The following TAF4B variants were observed in gnomAD, a reference collection of about 807,000 sequenced individuals.
TAF4B encodes TATA-box binding protein associated factor 4b.
In TAF4B, 38 loss-of-function variants were observed where a neutral mutation model predicts 86.4. The ratio of observed to expected loss-of-function variants is 0.44; its 90% confidence interval spans 0.34 to 0.58. The LOEUF is 0.58. TAF4B is among the 20% of genes least tolerant of loss of function. The pLI, the probability that TAF4B is intolerant of heterozygous loss-of-function variation, is 0.02. For synonymous variants in TAF4B, 388 were observed against 391.2 expected (o/e 0.99, Z 0.10); for missense variants, 988 against 1,027.6 (o/e 0.96, Z 0.53).
chr18:26,375,571 C>T (rs963658918), intron 14 of TAF4B, among the ~76,000 whole-genome samples: 2 of 152,080 alleles, frequency 1.3e-5, no homozygotes, highest in African/African-American at 4.8e-5. Context: ...CTTGTTATTG[C>T]CTTTTAAAAA....
At chr18:26,383,589 G>A (rs1247621764) in intron 14 of TAF4B, among the ~76,000 whole-genome samples, 6 of 152,116 alleles carry the variant, frequency 3.9e-5, no homozygotes, top group African/African-American at 1.2e-4. Context: ...ATGAGAGAGC[G>A]TTCTGTTGGA....
intron 12 of TAF4B, among the ~76,000 whole-genome samples, chr18:26,332,964 C>T (rs1167681012): frequency 1.3e-5 from 2 of 151,866 alleles, no homozygotes; most frequent in African/African-American, 2.4e-5. Flanking sequence ...GTTCTTTCCT[C>T]GAGTATATTC....
intron 13 of TAF4B, among the ~76,000 whole-genome samples, chr18:26,347,635 C>G (rs1255690125): frequency 1.3e-5 from 2 of 152,082 alleles, no homozygotes; most frequent in Middle Eastern, 3.2e-3. Context: ...ACAGACTAGC[C>G]AAATGGTTAA....
chr18:26,326,930 G>T, intron 11 of TAF4B, 85 bp from the exon 12 acceptor site: 1 of 1,396,064 alleles, frequency 7.2e-7, no homozygotes, highest in South Asian at 1.8e-5. Flanking sequence ...TGGTATTCCT[G>T]CCTTTAGCAG....
At chr18:26,338,970 T>G in intron 13 of TAF4B, among the ~76,000 whole-genome samples, 1 of 152,224 alleles carries the variant, frequency 6.6e-6, no homozygotes, top group East Asian at 1.9e-4. Context: ...AGACTGCCTT[T>G]GGGTTGGCCT....
intron 14 of TAF4B, among the ~76,000 whole-genome samples, chr18:26,389,335 A>G (rs756523120): frequency 9.9e-5 from 15 of 152,192 alleles, no homozygotes; most frequent in Non-Finnish European, 1.6e-4. Context: ...ACCATTGAAG[A>G]TTTTGGAACC....
chr18:26,233,337 C>G (rs1034603187), intron 1 of TAF4B, among the ~76,000 whole-genome samples: 1 of 152,168 alleles, frequency 6.6e-6, no homozygotes, highest in Non-Finnish European at 1.5e-5. Flanking sequence ...AGAAGGCATT[C>G]ACTAGCGGTG....
chr18:26,368,525 C>G (rs1211220277), intron 14 of TAF4B, among the ~76,000 whole-genome samples: 1 of 152,170 alleles, frequency 6.6e-6, no homozygotes, highest in Non-Finnish European at 1.5e-5. Context: ...CTCTTTACCT[C>G]CATTCTCTTC....
At chr18:26,288,590 G>A (rs1021423984) in intron 7 of TAF4B, among the ~76,000 whole-genome samples, 5 of 152,102 alleles carry the variant, frequency 3.3e-5, no homozygotes, top group Non-Finnish European at 5.9e-5. Context: ...AGCCAAGATC[G>A]CACCACAGCA....
At chr18:26,252,192 A>G (rs1441444819) in intron 1 of TAF4B, among the ~76,000 whole-genome samples, 1 of 152,204 alleles carries the variant, frequency 6.6e-6, no homozygotes, top group Non-Finnish European at 1.5e-5. Context: ...TAAAGTATGA[A>G]GACATTTCTT....
At chr18:26,322,061 A>AAAATAAAT (rs146042843) in intron 11 of TAF4B, among the ~76,000 whole-genome samples, 1 of 152,116 alleles carries the variant, frequency 6.6e-6, no homozygotes, top group African/African-American at 2.4e-5. Context: ...ACCTGAGTTG[A>AAAATAAAT]AAATAAATAA....
At chr18:26,328,239 A>G (rs1470352613) in intron 12 of TAF4B, among the ~76,000 whole-genome samples, 1 of 152,146 alleles carries the variant, frequency 6.6e-6, no homozygotes, top group African/African-American at 2.4e-5. Flanking sequence ...TCACGAGGTC[A>G]GGAGATCGAG....
chr18:26,269,151 A>C (rs897311321), intron 3 of TAF4B, among the ~76,000 whole-genome samples: 1 of 152,134 alleles, frequency 6.6e-6, no homozygotes, highest in African/African-American at 2.4e-5. Context: ...GTCTATTTAC[A>C]GGAACTCTTG....
chr18:26,285,023 AGTG>A (rs2056493250), intron 6 of TAF4B, among the ~76,000 whole-genome samples: 1 of 151,512 alleles, frequency 6.6e-6, no homozygotes, highest in African/African-American at 2.4e-5. Context: ...GCTGGGGTGT[AGTG>A]GTGCGATCAC....
In TAF4B at chr18:26,351,702, GAT is replaced by G. The variant is rs1323791820; in HGVS notation, c.2317-5985_2317-5984del. Reference sequence around the variant, plus strand: ...CCAGCAACAAACAGAAAATAAATAAGATATTAAAGGATCATAAATCTAACATG... The same window carrying G: ...CCAGCAACAAACAGAAAATAAATAAGATTAAAGGATCATAAATCTAACATG... On this transcript the variant is annotated intron_variant, in intron 13 of 14. Coordinates refer to ENST00000269142, the MANE Select transcript of TAF4B (RefSeq NM_005640.3). Among the ~76,000 whole-genome samples the G allele has an allele frequency of 2.0e-5, 3 of 152,060 alleles. No homozygotes were observed. The East Asian group carries it at 5.8e-4, about 29-fold the overall frequency.
At chr18:26,337,794 A>G (rs2057104878) in intron 13 of TAF4B, among the ~76,000 whole-genome samples, 1 of 152,158 alleles carries the variant, frequency 6.6e-6, no homozygotes, top group African/African-American at 2.4e-5. Flanking sequence ...AGGATGCACT[A>G]ATCACTATCA....
chr18:26,286,708 G>C (rs2056528708), intron 7 of TAF4B, among the ~76,000 whole-genome samples: 1 of 151,386 alleles, frequency 6.6e-6, no homozygotes, highest in South Asian at 2.1e-4. Context: ...TTTAAAGACA[G>C]AGTCTTACTC....
intron 1 of TAF4B, among the ~76,000 whole-genome samples, chr18:26,236,291 C>T (rs775327357): frequency 2.2e-4 from 34 of 152,148 alleles, no homozygotes; most frequent in Non-Finnish European, 4.3e-4. Flanking sequence ...ACAGGCTGTC[C>T]CAGGATTCTT....
At chr18:26,282,134 C>A in intron 6 of TAF4B, 74 bp downstream of exon 6, 1 of 1,226,008 alleles carries the variant, frequency 8.2e-7, no homozygotes, top group Non-Finnish European at 1.2e-6. Flanking sequence ...GGGAATATTT[C>A]AATATGACAG....
Sources: allele counts gnomAD v4.1 joint callset (sites outside exome capture counted in the v4.1 genomes callset), GRCh38; gene constraint gnomAD v4.1.1; transcripts MANE v1.5; gene names NCBI Gene and HGNC (gene_info 2026-07-23, HGNC 2026-07-21).